The following DYSF variants were observed in gnomAD, a reference collection of about 807,000 sequenced individuals.
DYSF encodes the protein dysferlin, also known as dystrophy-associated fer-1-like 1.
DYSF carries 212 observed loss-of-function variants against 274.9 expected under a neutral mutation model. The ratio of observed to expected loss-of-function variants is 0.77; its 90% confidence interval spans 0.69 to 0.86. The LOEUF (loss-of-function observed/expected upper bound fraction) is 0.86, where lower values mean the gene tolerates loss of function less well. DYSF is among the 40% of genes least tolerant of loss of function. DYSF has a pLI of 0.00. For missense variants in DYSF, 2,666 were observed against 2,783.2 expected, an observed-to-expected ratio of 0.96 and a Z score of 0.95; for synonymous variants, 1,091 against 1,078.7, an observed-to-expected ratio of 1.01 and a Z score of -0.22.
intron 40 of DYSF, among the ~76,000 whole-genome samples, chr2:71,618,066 T>C (rs1248097152): frequency 1.8e-4 from 2 of 11,216 alleles, no homozygotes; most frequent in African/African-American, 5.5e-4. Context: ...GTGGTAGAGA[T>C]GGGGTGTGTG....
At chr2:71,464,937 G>A (rs2081437138), upstream of DYSF, among the ~76,000 whole-genome samples, 1 of 152,026 alleles carries the variant, frequency 6.6e-6, no homozygotes, top group Non-Finnish European at 1.5e-5. Context: ...AGAGTGGGAG[G>A]GGGATTTGCA....
chr2:71,583,293 C>T, intron 30 of DYSF, among the ~76,000 whole-genome samples: 1 of 152,174 alleles, frequency 6.6e-6, no homozygotes, highest in East Asian at 1.9e-4. Flanking sequence ...TGGGGGATGG[C>T]CCCCAACAGT....
At chr2:71,670,661 T>G (rs932381191) in intron 51 of DYSF, among the ~76,000 whole-genome samples, 10 of 152,166 alleles carry the variant, frequency 6.6e-5, no homozygotes, top group African/African-American at 2.4e-4. Flanking sequence ...CATCTGCTAG[T>G]TTAGGTCTCA....
chr2:71,571,680 T>A (rs1288339653), intron 29 of DYSF, among the ~76,000 whole-genome samples: 3 of 102,704 alleles, frequency 2.9e-5, no homozygotes, highest in African/African-American at 4.0e-5. Flanking sequence ...CACCCACAGA[T>A]CACACCCAGC....
chr2:71,629,105 C>T (rs978263171), intron 41 of DYSF, among the ~76,000 whole-genome samples: 2 of 151,740 alleles, frequency 1.3e-5, no homozygotes, highest in Non-Finnish European at 2.9e-5. Flanking sequence ...TACAGTGGAC[C>T]TCTTCTATTC....
chr2:71,487,750 C>A (rs1558982740), intron 3 of DYSF, among the ~76,000 whole-genome samples: 1 of 152,184 alleles, frequency 6.6e-6, no homozygotes, highest in Non-Finnish European at 1.5e-5. Context: ...CTCAGGTGAT[C>A]TACCTGCCTT....
At chr2:71,637,398 G>C (rs1558689913) in intron 41 of DYSF, among the ~76,000 whole-genome samples, 2 of 152,168 alleles carry the variant, frequency 1.3e-5, no homozygotes, top group Non-Finnish European at 2.9e-5. Context: ...TGGGGGCTTG[G>C]GGAAGTCTCT....
chr2:71,453,930 C>T, exon 1 of DYSF: 15 of 1,513,856 alleles, frequency 9.9e-6, no homozygotes, highest in Non-Finnish European at 1.4e-5. Context: ...ACAAGCGGCG[C>T]CTCGGCCCTC....
intron 14 of DYSF, 61 bp downstream of exon 14, chr2:71,528,462 T>C: frequency 2.1e-6 from 3 of 1,415,150 alleles, no homozygotes; most frequent in Non-Finnish European, 3.0e-6. Flanking sequence ...CCCTGTGGAC[T>C]GTGCCGGGTG....
chr2:71,509,693 T>G (rs2085878503), intron 4 of DYSF, among the ~76,000 whole-genome samples: 1 of 152,248 alleles, frequency 6.6e-6, no homozygotes, highest in South Asian at 2.1e-4. Flanking sequence ...ATGTTTCTAT[T>G]GTCTCAGATT....
chr2:71,674,637 C>G (rs2095189353), intron 52 of DYSF, among the ~76,000 whole-genome samples: 1 of 152,242 alleles, frequency 6.6e-6, no homozygotes, highest in African/African-American at 2.4e-5. Flanking sequence ...TTGACACAGA[C>G]TGAGCCCTGT....
intron 17 of DYSF, among the ~76,000 whole-genome samples, chr2:71,550,039 C>T (rs889004298): frequency 6.6e-6 from 1 of 152,216 alleles, no homozygotes; most frequent in Non-Finnish European, 1.5e-5. Flanking sequence ...ACTCACAGTG[C>T]ATGACCTTAG....
chr2:71,620,491 C>G, intron 40 of DYSF, 56 bp from the exon 41 acceptor site: 1 of 1,536,446 alleles, frequency 6.5e-7, no homozygotes, highest in Non-Finnish European at 8.8e-7. Flanking sequence ...GACTGTCCAG[C>G]CTTCCCTAAA....
chr2:71,550,608 A>T (rs1339934804), intron 17 of DYSF, among the ~76,000 whole-genome samples: 1 of 151,968 alleles, frequency 6.6e-6, no homozygotes, highest in Non-Finnish European at 1.5e-5. Flanking sequence ...TGCCTATAGA[A>T]GCGTAGGATG....
chr2:71,660,709 C>G, intron 45 of DYSF, 58 bp downstream of exon 45: 1 of 1,421,448 alleles, frequency 7.0e-7, no homozygotes, highest in Non-Finnish European at 9.9e-7. Context: ...AACCCACAGT[C>G]TAGTGGGGGA....
intron 7 of DYSF, among the ~76,000 whole-genome samples, chr2:71,514,927 TC>T (rs1270173419): frequency 2.0e-5 from 3 of 151,444 alleles, no homozygotes; most frequent in African/African-American, 4.9e-5. Context: ...TCATCCATCT[TC>T]CCATTGCTAT....
intron 36 of DYSF, among the ~76,000 whole-genome samples, chr2:71,603,522 C>T (rs1452280790): frequency 6.6e-6 from 1 of 152,156 alleles, no homozygotes; most frequent in Non-Finnish European, 1.5e-5. Flanking sequence ...TAGGGAATCC[C>T]CAGACCGACA....
At chr2:71,549,282 G>A in intron 17 of DYSF, 1 of 1,503,990 alleles carries the variant, frequency 6.6e-7, no homozygotes, top group Non-Finnish European at 9.2e-7. Flanking sequence ...TCCACAGCCT[G>A]TTCATGTAAC....
rs140016138 is a variant in DYSF at position 71,597,521 on chromosome 2, C to T, written c.3575-1043C>T. Among the ~76,000 whole-genome samples the T allele has an allele frequency of 7.1e-3, 1,079 of 152,300 alleles. 11 individuals carry two copies. Among genetic ancestry groups the T allele is most frequent in the African/African-American group, 0.025 (1,031 of 41,548 alleles). On this transcript the variant is annotated intron_variant, in intron 32 of 55. Transcript: ENST00000410020. The stretch of plus-strand genomic sequence containing the variant: ...TGTTAGAAATGCACATTCTCCAGCC[C>T]ACCCCGGCCCTGCTGAATCCGAGTC...
Sources: gnomAD v4.1 joint callset for allele counts (sites outside exome capture counted in the v4.1 genomes callset) on GRCh38, gnomAD v4.1.1 for gene constraint, MANE v1.5 for transcripts, NCBI Gene and HGNC (gene_info 2026-07-23, HGNC 2026-07-21) for gene names.